Variants in MAGI1 observed in about 807,000 individuals in gnomAD.
MAGI1 encodes the protein membrane associated guanylate kinase, WW and PDZ domain containing 1.
Under a neutral mutation model 139.9 loss-of-function variants are expected in MAGI1, and 58 were observed. That is an observed-to-expected ratio of 0.41 (90% CI 0.34 to 0.52). The LOEUF is 0.52. Ranked by LOEUF, MAGI1 falls within the 20% of genes least tolerant of loss-of-function variation. The probability of loss-of-function intolerance (pLI) is 0.12; values close to 1 mark genes in which losing one functional copy is unlikely to be tolerated. For missense variants in MAGI1, 1,874 were observed against 1,901.6 expected, an observed-to-expected ratio of 0.99 and a Z score of 0.27; for synonymous variants, 812 against 737.9, an observed-to-expected ratio of 1.10 and a Z score of -1.63.
intron 1 of MAGI1, among the ~76,000 whole-genome samples, chr3:65,863,643 G>A (rs919550698): frequency 6.6e-6 from 1 of 152,048 alleles, no homozygotes. Flanking sequence ...GAGAACGTTG[G>A]CAAATTCAGA....
chr3:65,804,610 A>G (rs1016046763), intron 1 of MAGI1, among the ~76,000 whole-genome samples: 2 of 152,036 alleles, frequency 1.3e-5, no homozygotes, highest in Non-Finnish European at 2.9e-5. Context: ...TGTACACATC[A>G]TGAACTATAG....
intron 1 of MAGI1, among the ~76,000 whole-genome samples, chr3:65,881,851 A>T (rs1047633189): frequency 5.3e-5 from 8 of 152,042 alleles, no homozygotes; most frequent in African/African-American, 1.9e-4. Flanking sequence ...TCTTCATCTA[A>T]GTAGGTTGTG....
intron 1 of MAGI1, among the ~76,000 whole-genome samples, chr3:65,944,398 G>T (rs564492492): frequency 2.6e-5 from 4 of 152,190 alleles, no homozygotes; most frequent in African/African-American, 9.6e-5. Flanking sequence ...CGTGCCTGTA[G>T]TCCTAGCTGC....
intron 1 of MAGI1, among the ~76,000 whole-genome samples, chr3:65,750,600 G>C (rs1461246980): frequency 1.3e-5 from 2 of 152,230 alleles, no homozygotes; most frequent in African/African-American, 4.8e-5. Flanking sequence ...GTCAAATTTT[G>C]CTGTGTAAAT....
At chr3:65,389,045 A>G (rs1326781470) in intron 14 of MAGI1, among the ~76,000 whole-genome samples, 4 of 151,356 alleles carry the variant, frequency 2.6e-5, no homozygotes, top group Non-Finnish European at 5.9e-5. Context: ...GGGTTTCACC[A>G]TATTGGCCAG....
At chr3:65,672,727 A>G (rs950711945) in intron 1 of MAGI1, among the ~76,000 whole-genome samples, 6 of 152,200 alleles carry the variant, frequency 3.9e-5, no homozygotes, top group African/African-American at 1.4e-4. Flanking sequence ...CAATAAATCC[A>G]TTTACTAGAA....
At chr3:65,861,626 T>C (rs2059559144) in intron 1 of MAGI1, among the ~76,000 whole-genome samples, 1 of 152,090 alleles carries the variant, frequency 6.6e-6, no homozygotes, top group Non-Finnish European at 1.5e-5. Context: ...AATCCATCTC[T>C]GTCCAAGGAG....
chr3:65,671,582 A>T (rs2086860053), intron 1 of MAGI1, among the ~76,000 whole-genome samples: 1 of 152,208 alleles, frequency 6.6e-6, no homozygotes, highest in African/African-American at 2.4e-5. Flanking sequence ...AAAAATGCAG[A>T]TAGCAAGTCT....
intron 12 of MAGI1, among the ~76,000 whole-genome samples, chr3:65,425,083 A>G (rs975645955): frequency 2.7e-5 from 4 of 150,092 alleles, no homozygotes; most frequent in Non-Finnish European, 3.0e-5. Context: ...AGAAGAAGAA[A>G]AAAAAAACCT....
chr3:65,882,813 T>C lies in MAGI1; in HGVS notation c.313+155183A>G, dbSNP rs574297934. Among the ~76,000 whole-genome samples the C allele has an allele frequency of 1.1e-4, 16 of 151,364 alleles. 1 individual carries two copies. Among genetic ancestry groups the C allele is most frequent in the African/African-American group, 3.4e-4 (14 of 41,248 alleles). On this transcript the variant is annotated intron_variant, in intron 1 of 22. Coordinates refer to ENST00000402939, the MANE Select transcript of MAGI1 (RefSeq NM_001033057.2). ...AGCCAGGCATGGTGGTGTGCACCTGTAGTCTCAGCTACTTGGGAGGCTGAG... is the reference window on the plus strand; with the variant it reads ...AGCCAGGCATGGTGGTGTGCACCTGCAGTCTCAGCTACTTGGGAGGCTGAG...
At chr3:65,733,447 A>G (rs1410093283) in intron 1 of MAGI1, among the ~76,000 whole-genome samples, 1 of 152,226 alleles carries the variant, frequency 6.6e-6, no homozygotes, top group Non-Finnish European at 1.5e-5. Flanking sequence ...AAAACACTGT[A>G]ATAAGAAAAA....
At chr3:65,782,226 G>C (rs1308706423) in intron 1 of MAGI1, among the ~76,000 whole-genome samples, 1 of 152,074 alleles carries the variant, frequency 6.6e-6, no homozygotes, top group Admixed American at 6.5e-5. Flanking sequence ...CCTTTAAATA[G>C]GATTATCTGG....
chr3:65,913,064 G>A (rs990891724), intron 1 of MAGI1, among the ~76,000 whole-genome samples: 1 of 152,126 alleles, frequency 6.6e-6, no homozygotes, highest in East Asian at 1.9e-4. Flanking sequence ...TTGAGGTCAG[G>A]AGTTCGAGAC....
intron 1 of MAGI1, among the ~76,000 whole-genome samples, chr3:65,827,574 C>T (rs948608970): frequency 2.0e-5 from 3 of 152,182 alleles, no homozygotes; most frequent in African/African-American, 7.2e-5. Context: ...TCTGCTCCCT[C>T]CACGCAGTCC....
At chr3:65,988,029 A>G (rs1043576325) in intron 1 of MAGI1, among the ~76,000 whole-genome samples, 3 of 152,264 alleles carry the variant, frequency 2.0e-5, no homozygotes, top group Non-Finnish European at 2.9e-5. Context: ...GGTTGAAGAT[A>G]TAAGTGTAAG....
At chr3:65,809,259 C>T (rs2041065075) in intron 1 of MAGI1, among the ~76,000 whole-genome samples, 1 of 152,140 alleles carries the variant, frequency 6.6e-6, no homozygotes, top group African/African-American at 2.4e-5. Context: ...AAACTTGTTT[C>T]CGGACACTTC....
chr3:65,856,850 C>G (rs36082137), intron 1 of MAGI1, among the ~76,000 whole-genome samples: 2,889 of 152,276 alleles, frequency 0.019, 43 homozygotes, highest in Non-Finnish European at 0.03. Flanking sequence ...ATGGGAGTTT[C>G]TGGGCATGCT....
At chr3:65,439,386 T>C (rs1243144972) in intron 9 of MAGI1, among the ~76,000 whole-genome samples, 1 of 152,200 alleles carries the variant, frequency 6.6e-6, no homozygotes, top group Non-Finnish European at 1.5e-5. Context: ...GAGAATTTAA[T>C]GTTCTATACT....
chr3:65,987,879 T>TA, intron 1 of MAGI1, among the ~76,000 whole-genome samples: 1 of 152,200 alleles, frequency 6.6e-6, no homozygotes, highest in Non-Finnish European at 1.5e-5. Context: ...ACAGTACTTT[T>TA]AAAAATAAAA....
Sources: gnomAD v4.1 joint callset for allele counts (sites outside exome capture counted in the v4.1 genomes callset) on GRCh38, gnomAD v4.1.1 for gene constraint, MANE v1.5 for transcripts, NCBI Gene and HGNC (gene_info 2026-07-23, HGNC 2026-07-21) for gene names.